NRXN3: variants seen among roughly 807,000 people sequenced by gnomAD.
NRXN3 encodes the protein neurexin 3, also known as neurexin III.
In NRXN3, 32 loss-of-function variants were observed where a neutral mutation model predicts 137.6. The observed-to-expected ratio is 0.23, with a 90% CI of 0.18 to 0.31. NRXN3 has a LOEUF of 0.31. Ranked by LOEUF, NRXN3 falls within the 10% of genes least tolerant of loss-of-function variation. The probability of loss-of-function intolerance (pLI) is 1.00; values close to 1 mark genes in which losing one functional copy is unlikely to be tolerated. For missense variants in NRXN3, 1,574 were observed against 2,062.5 expected (o/e 0.76, Z 4.59); for synonymous variants, 798 against 784.5 (o/e 1.02, Z -0.29).
At chr14:79,698,017 C>T in intron 19 of NRXN3, 80 bp downstream of exon 19, 1 of 1,301,102 alleles carries the variant, frequency 7.7e-7, no homozygotes. Flanking sequence ...CTTTATGTAG[C>T]TAAAGAGTTT....
At chr14:79,435,535 T>C (rs2095831670) in intron 15 of NRXN3, among the ~76,000 whole-genome samples, 1 of 151,840 alleles carries the variant, frequency 6.6e-6, no homozygotes. Flanking sequence ...ATATTGAACC[T>C]GGCAATGAAT....
chr14:79,579,395 A>G (rs1438170616), intron 16 of NRXN3, among the ~76,000 whole-genome samples: 1 of 149,078 alleles, frequency 6.7e-6, no homozygotes, highest in East Asian at 1.9e-4. Flanking sequence ...AGCATTAAGG[A>G]GACATTGTGC....
chr14:78,663,580 A>G (rs1306888701), intron 6 of NRXN3, among the ~76,000 whole-genome samples: 1 of 152,186 alleles, frequency 6.6e-6, no homozygotes, highest in Non-Finnish European at 1.5e-5. Flanking sequence ...CCAGCCTAAT[A>G]TTTTCCATGA....
intron 4 of NRXN3, among the ~76,000 whole-genome samples, chr14:78,460,534 G>T (rs1438239486): frequency 1.3e-5 from 2 of 152,196 alleles, no homozygotes; most frequent in Non-Finnish European, 2.9e-5. Flanking sequence ...TTGGGAGGGG[G>T]TATAGGAAAA....
chr14:78,432,025 G>A (rs1428852292), intron 4 of NRXN3, among the ~76,000 whole-genome samples: 1 of 152,122 alleles, frequency 6.6e-6, no homozygotes, highest in African/African-American at 2.4e-5. Flanking sequence ...TTATGGGGGA[G>A]GAAAAGATGA....
In NRXN3 at chr14:79,020,749, A is replaced by G. The variant is rs79111445; in HGVS notation, c.3262+32608A>G. Among the ~76,000 whole-genome samples, 1,212 of 152,154 alleles carry G rather than the reference A, an allele frequency of 8.0e-3. 12 individuals are homozygous for G. The highest frequency in any genetic ancestry group is 0.028 in the African/African-American group (1,179 of 41,480). On this transcript the variant is annotated intron_variant, in intron 15 of 20. Transcript: ENST00000335750. ...TTGGGGAAAGTAAGTCATGTACTCC[A>G]TTTAGTACAAATAACAACCCCTAAC...
intron 4 of NRXN3, among the ~76,000 whole-genome samples, chr14:78,486,677 G>T (rs770524522): frequency 1.6e-4 from 24 of 152,092 alleles, no homozygotes; most frequent in Non-Finnish European, 2.9e-4. Flanking sequence ...CCTAAATCTG[G>T]TTTTTTCCTT....
Position 79,845,875 on chromosome 14 carries a change from A to AGAGAGACG in NRXN3, c.4094-15461_4094-15460insCGGAGAGA, listed in dbSNP as rs1555788732. 4.6e-5 allele frequency among the ~76,000 whole-genome samples: 2 copies of AGAGAGACG among 43,832 alleles called. 1 individual carries two copies. The highest frequency in any genetic ancestry group is 1.0e-4 in the Non-Finnish European group (2 of 19,988). The allele number at this position is 43,832 out of a possible 152,430, so 28.8% of individuals were successfully genotyped here. On this transcript the variant is annotated intron_variant, in intron 20 of 20. Transcript: ENST00000335750. ...GGGAGACGGGGAGAGAGAGAGATGG[A>AGAGAGACG]GAGAGAGAGAGATGGAGAGAAAGAC...
intron 12 of NRXN3, among the ~76,000 whole-genome samples, chr14:78,966,704 G>A (rs1466288719): frequency 1.3e-5 from 2 of 152,162 alleles, no homozygotes; most frequent in East Asian, 1.9e-4. Context: ...GCTATGATTT[G>A]TATTGCATCT....
chr14:78,291,480 C>G (rs2075797973), intron 3 of NRXN3, among the ~76,000 whole-genome samples: 1 of 152,166 alleles, frequency 6.6e-6, no homozygotes, highest in South Asian at 2.1e-4. Flanking sequence ...TCTTCCTTTC[C>G]CAGGTCATTT....
rs151135254 is a variant in NRXN3 at position 79,362,663 on chromosome 14, G to A, written c.3263-104558G>A. On this transcript the variant is annotated intron_variant, in intron 15 of 20. Transcript: ENST00000335750. ...ATCTTTACACAATTGTAAAACAAAG[G>A]GAAGATTATGTGACGCAGATGCCAA... is the stretch of plus-strand genomic sequence containing the variant. Among the ~76,000 whole-genome samples, 1,132 of 152,234 alleles carry A rather than the reference G, an allele frequency of 7.4e-3. 12 individuals carry two copies. Among genetic ancestry groups the A allele is most frequent in the African/African-American group, 0.025 (1,058 of 41,536 alleles).
At chr14:79,620,171 A>G (rs2098207923) in intron 16 of NRXN3, among the ~76,000 whole-genome samples, 1 of 152,142 alleles carries the variant, frequency 6.6e-6, no homozygotes, top group African/African-American at 2.4e-5. Context: ...CCAGAAAGAA[A>G]TCAGATAGTA....
intron 16 of NRXN3, among the ~76,000 whole-genome samples, chr14:79,655,798 C>T (rs890695637): frequency 2.0e-5 from 3 of 152,100 alleles, no homozygotes; most frequent in African/African-American, 7.2e-5. Context: ...CAGACATTGC[C>T]AAATGTCCCT....
chr14:79,266,862 T>C (rs1031718562), intron 15 of NRXN3, among the ~76,000 whole-genome samples: 1 of 152,194 alleles, frequency 6.6e-6, no homozygotes, highest in African/African-American at 2.4e-5. Flanking sequence ...CATCAACTAA[T>C]TTAATGTAAC....
At chr14:79,739,719 T>C (rs998775534) in intron 19 of NRXN3, among the ~76,000 whole-genome samples, 2 of 149,384 alleles carry the variant, frequency 1.3e-5, no homozygotes, top group Non-Finnish European at 3.0e-5. Context: ...CCAGGTACTC[T>C]TGTCTACTGT....
chr14:79,353,947 G>A (rs1411271715), intron 15 of NRXN3, among the ~76,000 whole-genome samples: 1 of 152,084 alleles, frequency 6.6e-6, no homozygotes, highest in Non-Finnish European at 1.5e-5. Flanking sequence ...GGGCAAATCT[G>A]ACATGTTTTC....
In NRXN3 at chr14:78,243,413, G is replaced by C. The variant is rs772240215; in HGVS notation, c.320G>C (p.Ser107Thr). 6.4e-7 allele frequency: 1 copy of C among 1,567,388 alleles called. No individual in the cohort carries two copies. Among genetic ancestry groups the C allele is most frequent in the South Asian group, 1.2e-5 (1 of 86,786 alleles). Residue 107 changes from serine (S) to threonine (T), a missense_variant, in exon 2 of 21, where the codon AGC (serine) becomes ACC (threonine). Transcript: ENST00000335750. This position sits in a 1 kb window ranked among gnomAD's most constrained non-coding sequence, Gnocchi z 4.2. ...CTGTCCAACAAGCAGGTGAATGACA[G>C]CAGCTGGCACTTCCTCATGGTGAGC... is the stretch of plus-strand genomic sequence containing the variant. Reference protein sequence around the residue: ...AVLSNKQVNDSSWHFLMVSRD... With the variant: ...AVLSNKQVNDTSWHFLMVSRD...
intron 4 of NRXN3, among the ~76,000 whole-genome samples, chr14:78,354,174 A>G (rs186497100): frequency 1.9e-4 from 29 of 152,294 alleles, no homozygotes; most frequent in South Asian, 8.3e-4. Context: ...CATCTAATTT[A>G]CTTATCTCTG....
intron 19 of NRXN3, among the ~76,000 whole-genome samples, chr14:79,739,688 C>T (rs1463270275): frequency 2.2e-5 from 3 of 138,622 alleles, no homozygotes; most frequent in Non-Finnish European, 3.2e-5. Context: ...GAACCCAGGC[C>T]TCCAATGGTG....
Sources: allele counts gnomAD v4.1 joint callset (sites outside exome capture counted in the v4.1 genomes callset), GRCh38; gene constraint gnomAD v4.1.1; non-coding constraint Gnocchi (gnomAD v3.1); transcripts MANE v1.5; gene names NCBI Gene and HGNC (gene_info 2026-07-23, HGNC 2026-07-21).